The following SHISA9 variants were observed in gnomAD, a reference collection of about 807,000 sequenced individuals.
SHISA9 encodes the protein protein shisa-9.
In SHISA9, 13 loss-of-function variants were observed where a neutral mutation model predicts 38.0. The ratio of observed to expected loss-of-function variants is 0.34; its 90% CI spans 0.22 to 0.54. The LOEUF (loss-of-function observed/expected upper bound fraction) is 0.54, where lower values mean the gene tolerates loss of function less well. Ranked by LOEUF, SHISA9 falls within the 20% of genes least tolerant of loss-of-function variation. SHISA9 has a pLI of 0.91. For synonymous variants in SHISA9, 275 were observed against 242.0 expected (o/e 1.14, Z -1.27); for missense variants, 538 against 575.8 (o/e 0.93, Z 0.67).
At chr16:12,966,723 C>A (rs1046965528) in intron 2 of SHISA9, among the ~76,000 whole-genome samples, 1 of 152,146 alleles carries the variant, frequency 6.6e-6, no homozygotes, top group African/African-American at 2.4e-5. Flanking sequence ...CAGCACAGTG[C>A]CTGGCACAGA....
chr16:13,046,207 A>G (rs1596609802), intron 2 of SHISA9, among the ~76,000 whole-genome samples: 1 of 152,316 alleles, frequency 6.6e-6, no homozygotes, highest in African/African-American at 2.4e-5. Context: ...TGAATAATGA[A>G]TGTAGAATCA....
the SHISA9 span, among the ~76,000 whole-genome samples, chr16:13,469,383 AAGAAAGAAAGAAAG>A: frequency 9.1e-6 from 1 of 109,720 alleles, no homozygotes; most frequent in East Asian, 2.8e-4. Flanking sequence ...GAAAGAAAGA[AAGAAAGAAAGAAAG>A]AAAGAAAGAA....
chr16:13,370,610 C>A, the SHISA9 span, among the ~76,000 whole-genome samples: 1 of 152,134 alleles, frequency 6.6e-6, no homozygotes, highest in Non-Finnish European at 1.5e-5. Flanking sequence ...GAGAGCTTTC[C>A]AAACATGTGA....
the SHISA9 span, among the ~76,000 whole-genome samples, chr16:13,265,448 C>A: frequency 8.8e-6 from 1 of 113,876 alleles, no homozygotes; most frequent in Non-Finnish European, 1.8e-5. Context: ...CCTTCTCTTT[C>A]TCTCCCTTCC....
intron 2 of SHISA9, among the ~76,000 whole-genome samples, chr16:12,924,028 A>T (rs2071363764): frequency 6.6e-6 from 1 of 150,736 alleles, no homozygotes; most frequent in African/African-American, 2.4e-5. Flanking sequence ...TGAGAAAAGC[A>T]TCTTTTCTTA....
the SHISA9 span, among the ~76,000 whole-genome samples, chr16:13,358,824 T>C: frequency 0.82 from 124,571 of 152,166 alleles, 51,132 homozygotes; most frequent in East Asian, 0.96. Context: ...CATAAAAAGA[T>C]GAACATGATA....
chr16:13,275,721 G>A, the SHISA9 span, among the ~76,000 whole-genome samples: 5 of 151,610 alleles, frequency 3.3e-5, no homozygotes, highest in African/African-American at 1.2e-4. Flanking sequence ...TTTTCATCTT[G>A]TTTGTGAAAA....
At chr16:13,391,553 G>C in the SHISA9 span, among the ~76,000 whole-genome samples, 1,606 of 152,286 alleles carry the variant, frequency 0.011, 16 homozygotes, top group Middle Eastern at 0.051. Context: ...TACACAGATG[G>C]CTGGGTTCGG....
chr16:13,388,883 G>A, the SHISA9 span, among the ~76,000 whole-genome samples: 1 of 152,122 alleles, frequency 6.6e-6, no homozygotes, highest in African/African-American at 2.4e-5. Flanking sequence ...AGATGATCAA[G>A]TCTTTAATAC....
chr16:13,378,522 A>C, the SHISA9 span, among the ~76,000 whole-genome samples: 1 of 152,136 alleles, frequency 6.6e-6, no homozygotes, highest in Non-Finnish European at 1.5e-5. Flanking sequence ...GGTCTACTTG[A>C]CCAGCCCTTG....
the SHISA9 span, among the ~76,000 whole-genome samples, chr16:13,483,972 G>A: frequency 6.6e-6 from 1 of 152,172 alleles, no homozygotes; most frequent in African/African-American, 2.4e-5. Flanking sequence ...AGGGATTCTT[G>A]GGAACCCCAG....
At chr16:13,451,207 G>T in the SHISA9 span, among the ~76,000 whole-genome samples, 8 of 152,224 alleles carry the variant, frequency 5.3e-5, no homozygotes, top group Admixed American at 4.6e-4. Context: ...GGAGTTCCCC[G>T]GGAGGATTAT....
intron 2 of SHISA9, among the ~76,000 whole-genome samples, chr16:13,022,564 C>G (rs943305555): frequency 1.6e-4 from 24 of 152,086 alleles, no homozygotes; most frequent in African/African-American, 5.6e-4. Flanking sequence ...CTCCTGACCT[C>G]AGGTGATCCA....
At chr16:13,464,833 C>T in the SHISA9 span, among the ~76,000 whole-genome samples, 1 of 151,884 alleles carries the variant, frequency 6.6e-6, no homozygotes, top group Admixed American at 6.6e-5. Context: ...ACCCCCACCC[C>T]CCACCTTTTA....
At chr16:13,105,044 T>G (rs1053305776) in intron 2 of SHISA9, among the ~76,000 whole-genome samples, 2 of 152,116 alleles carry the variant, frequency 1.3e-5, no homozygotes, top group Non-Finnish European at 2.9e-5. Context: ...TTGAAACTGG[T>G]TAAAGCTTGA....
rs570620039 is a variant in SHISA9 at position 13,164,947 on chromosome 16, T to C, written c.692-38447T>C. ...AGGTTGTATTATTTCTGATAAGAAA[T>C]CTGCTACTATTCTCATCTCTGTTTC... On this transcript the variant is annotated intron_variant, in intron 2 of 4. Transcript: ENST00000558583. Among the ~76,000 whole-genome samples, 4 of 152,312 alleles carry C rather than the reference T, an allele frequency of 2.6e-5. No individual in the cohort carries two copies. The East Asian group carries it at 7.7e-4, about 29-fold the overall frequency.
intron 2 of SHISA9, among the ~76,000 whole-genome samples, chr16:13,148,236 C>T (rs528894587): frequency 3.9e-5 from 6 of 152,222 alleles, no homozygotes; most frequent in South Asian, 2.1e-4. Context: ...CCCGCACACC[C>T]GAATATACAC....
At chr16:13,518,667 C>G in the SHISA9 span, among the ~76,000 whole-genome samples, 2 of 152,304 alleles carry the variant, frequency 1.3e-5, no homozygotes, top group South Asian at 2.1e-4. Flanking sequence ...CTACACCCTT[C>G]TGTTTCCAAA....
chr16:13,518,392 G>A, the SHISA9 span, among the ~76,000 whole-genome samples: 4 of 152,124 alleles, frequency 2.6e-5, no homozygotes, highest in African/African-American at 7.2e-5. Context: ...TTGACACATG[G>A]GAGACATCTT....
Sources: allele counts gnomAD v4.1 joint callset (sites outside exome capture counted in the v4.1 genomes callset), GRCh38; gene constraint gnomAD v4.1.1; transcripts MANE v1.5; gene names NCBI Gene and HGNC (gene_info 2026-07-23, HGNC 2026-07-21).